The following BMP1 variants were observed in gnomAD, a reference collection of about 807,000 sequenced individuals.
BMP1 encodes mammalian tolloid protein.
Under a neutral mutation model 116.8 loss-of-function variants are expected in BMP1, and 63 were observed. The ratio of observed to expected loss-of-function variants is 0.54; its 90% CI spans 0.44 to 0.67. BMP1 has a LOEUF of 0.67. BMP1 is among the 30% of genes least tolerant of loss of function. The pLI, the probability that BMP1 is intolerant of heterozygous loss-of-function variation, is 0.00. For synonymous variants in BMP1, 536 were observed against 533.4 expected (o/e 1.00, Z -0.07); for missense variants, 1,183 against 1,358.9 (o/e 0.87, Z 2.04).
intron 6 of BMP1, among the ~76,000 whole-genome samples, chr8:22,178,899 C>T (rs530887709): frequency 5.3e-5 from 8 of 152,270 alleles, no homozygotes; most frequent in African/African-American, 1.2e-4. Context: ...TGCTTCTACC[C>T]GATCTGCTCT....
chr8:22,179,896 C>T lies in BMP1; in HGVS notation c.961+67C>T. On this transcript the variant is annotated intron_variant, in intron 7 of 19. Coordinates refer to ENST00000306385, the MANE Select transcript of BMP1 (RefSeq NM_006129.5). The surrounding 1 kb of genome is among the most constrained non-coding windows in gnomAD (Gnocchi z 4.6). ...GCCTGAGGGAGGCAGAGGCCAGGTG[C>T]CTGGTGCCACCAAGAAGGCTTAGGC... 4 of 1,491,454 alleles carry T rather than the reference C, an allele frequency of 2.7e-6. No individual in the cohort carries two copies. The highest frequency in any genetic ancestry group is 3.6e-6 in the Non-Finnish European group (4 of 1,096,990). The allele number at this position is 1,491,454 out of a possible 1,614,324, so 92.4% of individuals were successfully genotyped here. A position where few individuals can be genotyped will look rare whatever the true frequency, so the allele number is the denominator to read the frequency against.
intron 6 of BMP1, among the ~76,000 whole-genome samples, chr8:22,178,949 G>A (rs796295957): frequency 3.9e-5 from 6 of 152,282 alleles, no homozygotes; most frequent in South Asian, 2.1e-4. Flanking sequence ...CCAAGGAAGG[G>A]TGGTGAGGTC....
intron 16 of BMP1, among the ~76,000 whole-genome samples, chr8:22,206,320 G>A (rs1405881199): frequency 1.3e-5 from 2 of 152,110 alleles, no homozygotes; most frequent in Non-Finnish European, 2.9e-5. Context: ...TGGCCAACAT[G>A]GCGAAACCCC....
chr8:22,165,503 C>T lies in BMP1; in HGVS notation c.98C>T (p.Ala33Val), dbSNP rs746281763. ...LDLADYTYDL[A>V]EEDDSEPLNY... ...TTGGCCGACTACACCTATGACCTGGCGGAGGAGGACGACTCGGAGCCCCTC... is the reference window on the plus strand; with the variant it reads ...TTGGCCGACTACACCTATGACCTGGTGGAGGAGGACGACTCGGAGCCCCTC... Residue 33 changes from alanine (A) to valine (V), a missense_variant, in exon 1 of 20, where the codon GCG (alanine) becomes GTG (valine). Around this residue, in one of 4 missense-constraint regions of BMP1, gnomAD observed 185 missense variants for 158.9 expected, o/e 1.16. Transcript: ENST00000306385. 2 of 1,593,646 alleles carry T rather than the reference C, an allele frequency of 1.3e-6. No individual in the cohort carries two copies. Among genetic ancestry groups the T allele is most frequent in the Non-Finnish European group, 8.5e-7 (1 of 1,172,198 alleles).
intron 8 of BMP1, among the ~76,000 whole-genome samples, chr8:22,186,801 C>T (rs1304803230): frequency 6.6e-6 from 1 of 152,014 alleles, no homozygotes; most frequent in African/African-American, 2.4e-5. Context: ...GCAATAGTAC[C>T]TACCACAAGG....
chr8:22,176,622 TA>T lies in BMP1; in HGVS notation c.524del (p.Tyr175LeufsTer76). On this transcript the variant is annotated frameshift_variant, in exon 4 of 20. Coordinates refer to ENST00000306385, the MANE Select transcript of BMP1 (RefSeq NM_006129.5). LOFTEE classifies it high-confidence loss of function. ...TFLERTDEDS[Y>X]IVFTYRPCGC... is the part of the protein sequence containing the mutation. ...CCTGGAGCGCACTGACGAGGACAGC[TA>T]TATTGTGTTCACCTATCGACCTTGC... 1 of 1,614,156 alleles carries T rather than the reference TA, an allele frequency of 6.2e-7. No individual in the cohort carries two copies. The highest frequency in any genetic ancestry group is 8.5e-7 in the Non-Finnish European group (1 of 1,180,010).
chr8:22,177,769 TC>T (rs1389323439), intron 5 of BMP1, 82 bp from the exon 6 acceptor site: 1 of 1,072,486 alleles, frequency 9.3e-7, no homozygotes, highest in Middle Eastern at 2.0e-4. Context: ...AGGACTCCAT[TC>T]CCTGCCCTGG....
chr8:22,197,925 C>T (rs1284640493), intron 15 of BMP1, among the ~76,000 whole-genome samples: 1 of 152,212 alleles, frequency 6.6e-6, no homozygotes, highest in East Asian at 1.9e-4. Context: ...TGGCTCACGC[C>T]TGTAATCCCA....
In BMP1 at chr8:22,200,893, C is replaced by A. The variant is rs76571871; in HGVS notation, c.2108-910C>A. ...CCTTCTCCTGCCACAGGCTCTGTCT[C>A]TGTCCCGTCGCTGTGCCTCCTGCCC... On this transcript the variant is annotated intron_variant, in intron 15 of 19. Coordinates refer to ENST00000306385, the MANE Select transcript of BMP1 (RefSeq NM_006129.5). Among the ~76,000 whole-genome samples the A allele has an allele frequency of 0.031, 4,681 of 152,264 alleles. 239 individuals carry two copies. Among genetic ancestry groups the A allele is most frequent in the African/African-American group, 0.11 (4,467 of 41,524 alleles).
At chr8:22,210,468 T>TCTCTCTCACACACACACA (rs10664439) in intron 19 of BMP1, among the ~76,000 whole-genome samples, 11 of 135,498 alleles carry the variant, frequency 8.1e-5, no homozygotes, top group Admixed American at 5.9e-4. Context: ...TCTCTCTCTC[T>TCTCTCTCACACACACACA]CACACACATA....
rs1208772321 is a variant in BMP1 at position 22,165,501 on chromosome 8, G to T, written c.96G>T (p.Leu32=). 3 of 1,594,394 alleles carry T rather than the reference G, an allele frequency of 1.9e-6. No homozygotes were observed. The African/African-American group carries it at 4.1e-5, about 22-fold the overall frequency. Residue 32 remains leucine (L), a synonymous_variant, in exon 1 of 20, where the codon CTG becomes CTT. Transcript: ENST00000306385. The part of the protein sequence containing the change: ...PLDLADYTYD[L]AEEDDSEPLN... ...ACTTGGCCGACTACACCTATGACCT[G>T]GCGGAGGAGGACGACTCGGAGCCCC...
intron 16 of BMP1, among the ~76,000 whole-genome samples, chr8:22,204,005 C>T (rs1184962718): frequency 6.6e-6 from 1 of 152,186 alleles, no homozygotes; most frequent in African/African-American, 2.4e-5. Flanking sequence ...GTTTCTTACT[C>T]AGGTGATAGG....
chr8:22,190,614 C>A (rs73225851), intron 8 of BMP1, among the ~76,000 whole-genome samples: 1 of 152,100 alleles, frequency 6.6e-6, no homozygotes, highest in African/African-American at 2.4e-5. Flanking sequence ...CAGAACTGAG[C>A]GGCCAAGAAG....
Position 22,201,782 on chromosome 8 carries a change from C to G in BMP1, c.2108-21C>G, listed in dbSNP as rs769907101. ...CAGCCCTGCACAGACCCAGCGTCTG[C>G]CCTTATTTGCTCCCCTGCAGACAAG... On this transcript the variant is annotated intron_variant, in intron 15 of 19. Transcript: ENST00000306385. 3.1e-6 allele frequency: 5 copies of G among 1,612,224 alleles called. No individual in the cohort carries two copies. In the Admixed American group the frequency reaches 6.7e-5, roughly 22 times the overall value.
rs1258091849 is a variant in BMP1, at chr8:22,197,349, A to G, written c.2036A>G (p.Asn679Ser). The change falls in exon 15 of 20, where the codon AAC becomes AGC. Residue 679 changes from asparagine to serine, a missense_variant. Around this residue, in one of 4 missense-constraint regions of BMP1, gnomAD observed 956 missense variants for 1,135.2 expected, o/e 0.84. Transcript: ENST00000306385. The part of the protein sequence containing the change: ...EKPEVITSQY[N>S]NMRVEFKSDN... ...CCCGAGGTCATCACCTCCCAGTACAACAACATGCGCGTGGAGTTCAAGTCC... is the reference window on the plus strand; with the variant it reads ...CCCGAGGTCATCACCTCCCAGTACAGCAACATGCGCGTGGAGTTCAAGTCC... 4 of 1,614,022 alleles carry G rather than the reference A, an allele frequency of 2.5e-6. No homozygotes were observed. The highest frequency in any genetic ancestry group is 2.5e-6 in the Non-Finnish European group (3 of 1,179,902).
At chr8:22,193,281 G>A (rs147257967) in intron 9 of BMP1, among the ~76,000 whole-genome samples, 2 of 152,300 alleles carry the variant, frequency 1.3e-5, no homozygotes, top group African/African-American at 4.8e-5. Flanking sequence ...GGGTCCTGGG[G>A]CATCCCTTGC....
intron 13 of BMP1, chr8:22,196,433 G>C: frequency 4.9e-6 from 3 of 609,174 alleles, no homozygotes; most frequent in Non-Finnish European, 8.8e-6. Flanking sequence ...TTCATTTGCA[G>C]AGAAGATAGA....
At chr8:22,203,455 G>A (rs1829299645) in intron 16 of BMP1, among the ~76,000 whole-genome samples, 1 of 152,178 alleles carries the variant, frequency 6.6e-6, no homozygotes, top group Admixed American at 6.5e-5. Context: ...TACTCAGGAG[G>A]TTGAGGCAGG....
rs748093647 is a variant in BMP1, at chr8:22,192,065, C to T, written c.1094C>T (p.Thr365Met). Residue 365 changes from threonine (T) to methionine (M), a missense_variant, in exon 9 of 20, where the codon ACG (threonine) becomes ATG (methionine). By Grantham distance (81) the Thr-to-Met change is moderately conservative (BLOSUM62 -1). Coordinates refer to ENST00000306385, the MANE Select transcript of BMP1 (RefSeq NM_006129.5). ...TPGEKIILNF[T>M]SLDLYRSRLC... The stretch of plus-strand genomic sequence containing the variant: ...TTGCCCTAGATCATCCTGAACTTCA[C>T]GTCCCTGGACCTGTACCGCAGCCGC... 7 of 1,613,740 alleles carry T rather than the reference C, an allele frequency of 4.3e-6. No homozygotes were observed. Among genetic ancestry groups the T allele is most frequent in the East Asian group, 2.2e-5 (1 of 44,878 alleles).
Sources: allele counts gnomAD v4.1 joint callset (sites outside exome capture counted in the v4.1 genomes callset), GRCh38; gene constraint gnomAD v4.1.1; regional missense constraint gnomAD v4.1.1; non-coding constraint Gnocchi (gnomAD v3.1); transcripts MANE v1.5; gene names NCBI Gene and HGNC (gene_info 2026-07-23, HGNC 2026-07-21).